BLVRA: variants seen among roughly 807,000 people sequenced by gnomAD.
BLVRA encodes biliverdin reductase A.
Under a neutral mutation model 32.8 loss-of-function variants are expected in BLVRA, and 22 were observed. That is an observed-to-expected ratio of 0.67 (90% CI 0.48 to 0.96). The LOEUF (loss-of-function observed/expected upper bound fraction) is 0.96, where lower values mean the gene tolerates loss of function less well. BLVRA is among the 40% of genes least tolerant of loss of function. The pLI, the probability that BLVRA is intolerant of heterozygous loss-of-function variation, is 0.00. For synonymous variants in BLVRA, 119 were observed against 141.3 expected (o/e 0.84, Z 1.12); for missense variants, 323 against 358.1 (o/e 0.90, Z 0.79).
At position 43,803,793 on chromosome 7, in the gene BLVRA, G is replaced by A. The variant is rs772321543; in HGVS notation, c.578G>A (p.Arg193Gln). The change falls in exon 7 of 8, where the codon CGA (arginine) becomes CAA (glutamine). Residue 193 changes from arginine to glutamine, a missense_variant. Coordinates refer to ENST00000265523, the MANE Select transcript of BLVRA (RefSeq NM_000712.4). ...CTTGTGTCTGCCACTTTGGAAGAGC[G>A]AAAGGAAGATCAGTATATGAAAATG... ...LSLVSATLEE[R>Q]KEDQYMKMTV... The A allele has an allele frequency of 1.2e-5, 19 of 1,614,010 alleles. No individual in the cohort carries two copies. In the East Asian group the frequency reaches 1.3e-4, roughly 11 times the overall value.
In BLVRA at chr7:43,787,828, C is replaced by T; in HGVS notation, c.13-76C>T. 3 of 1,611,962 alleles carry T rather than the reference C, an allele frequency of 1.9e-6. No individual in the cohort carries two copies. The highest frequency in any genetic ancestry group is 2.5e-6 in the Non-Finnish European group (3 of 1,178,192). ...TCCATCTTGCTCGTCGGGACCCTGC[C>T]AGCTCCTTTGTTTTGTAGTTTTCTG... On this transcript the variant is annotated intron_variant, in intron 2 of 7. Transcript: ENST00000265523. This position sits in a 1 kb window ranked among gnomAD's most constrained non-coding sequence, Gnocchi z 4.5.
intron 5 of BLVRA, among the ~76,000 whole-genome samples, chr7:43,799,412 T>A (rs1214129025): frequency 1.3e-5 from 2 of 152,230 alleles, no homozygotes; most frequent in African/African-American, 2.4e-5. Flanking sequence ...AATGAAAAAA[T>A]TTTTATAGAG....
chr7:43,769,452 T>C (rs1487939959), intron 1 of BLVRA, among the ~76,000 whole-genome samples: 2 of 152,174 alleles, frequency 1.3e-5, no homozygotes, highest in African/African-American at 4.8e-5. Flanking sequence ...GTAGGTTCCC[T>C]TTTTCAGATT....
intron 3 of BLVRA, among the ~76,000 whole-genome samples, chr7:43,790,943 G>A (rs1456911615): frequency 6.6e-6 from 1 of 152,198 alleles, no homozygotes; most frequent in Non-Finnish European, 1.5e-5. Flanking sequence ...AAAGTGCTGG[G>A]ATTATAGGCT....
chr7:43,767,241 G>C, intron 1 of BLVRA: 1 of 746,474 alleles, frequency 1.3e-6, no homozygotes, highest in Non-Finnish European at 2.3e-6. Context: ...CATTAGAAAA[G>C]AAAAGCAAGT....
chr7:43,773,303 A>G (rs1031025174), intron 2 of BLVRA, among the ~76,000 whole-genome samples: 2 of 147,386 alleles, frequency 1.4e-5, no homozygotes, highest in Non-Finnish European at 3.0e-5. Context: ...CCCACCCCAC[A>G]ACAGTCCCCG....
rs566565833 is a variant in BLVRA, at chr7:43,803,727, C to G, written c.512C>G (p.Ser171Cys). Residue 171 changes from serine to cysteine, a missense_variant, in exon 7 of 8, where the codon TCT becomes TGT. By Grantham distance (112) the Ser-to-Cys change is moderately radical. Coordinates refer to ENST00000265523, the MANE Select transcript of BLVRA (RefSeq NM_000712.4). ...GGCTTCCCTGCATTCAGCGGCATCT[C>G]TCGCCTGACCTGGCTGGTCTCCCTC... Reference protein sequence around the residue: ...RFGFPAFSGISRLTWLVSLFG... With the variant: ...RFGFPAFSGICRLTWLVSLFG... 6.2e-7 allele frequency: 1 copy of G among 1,614,050 alleles called. No individual in the cohort carries two copies. Among genetic ancestry groups the G allele is most frequent in the Non-Finnish European group, 8.5e-7 (1 of 1,179,960 alleles).
At chr7:43,792,839 C>A in intron 5 of BLVRA, 27 bp downstream of exon 5, 2 of 1,602,624 alleles carry the variant, frequency 1.2e-6, no homozygotes, top group African/African-American at 1.3e-5. Context: ...AGAGTTTCTG[C>A]CTCCAGGATT....
At chr7:43,770,057 A>C (rs1279747662) in intron 1 of BLVRA, among the ~76,000 whole-genome samples, 2 of 152,278 alleles carry the variant, frequency 1.3e-5, no homozygotes, top group East Asian at 3.9e-4. Flanking sequence ...CCCTGTGCTT[A>C]ACCAAAGAGA....
chr7:43,765,775 T>C (rs544063282), intron 1 of BLVRA, among the ~76,000 whole-genome samples: 15 of 152,270 alleles, frequency 9.9e-5, no homozygotes, highest in African/African-American at 3.6e-4. Context: ...CAGTATGTTA[T>C]AACCATGGGA....
Position 43,792,704 on chromosome 7 carries a change from G to A in BLVRA, c.255-11G>A, listed in dbSNP as rs187851908. ...AGTGTTCTTTCTCTGTATTTGTCTC[G>A]TTTACCAAAGGCAGTTCCTTAATGC... is the stretch of plus-strand genomic sequence containing the variant. On this transcript the variant is annotated splice_polypyrimidine_tract_variant and intron_variant, in intron 4 of 7. Transcript: ENST00000265523. 80 of 1,612,562 alleles carry A rather than the reference G, an allele frequency of 5.0e-5. No individual in the cohort carries two copies. The Admixed American group carries it at 1.1e-3, about 23-fold the overall frequency.
At chr7:43,795,681 TAGC>T (rs2095791818) in intron 5 of BLVRA, among the ~76,000 whole-genome samples, 1 of 151,426 alleles carries the variant, frequency 6.6e-6, no homozygotes, top group Non-Finnish European at 1.5e-5. Context: ...AATCGAAAAT[TAGC>T]AGAAAAAAGC....
intron 5 of BLVRA, among the ~76,000 whole-genome samples, chr7:43,793,895 T>C (rs1429335125): frequency 2.0e-5 from 3 of 151,348 alleles, no homozygotes; most frequent in Admixed American, 6.6e-5. Flanking sequence ...GTGCTGGGAT[T>C]ACAGGCATGA....
In BLVRA at chr7:43,791,331, A is replaced by C; in HGVS notation, c.217A>C (p.Ile73Leu). 1 of 1,614,226 alleles carries C rather than the reference A, an allele frequency of 6.2e-7. No homozygotes were observed. The highest frequency in any genetic ancestry group is 8.5e-7 in the Non-Finnish European group (1 of 1,180,034). ...CAGCCAAGAGGTGGAGGTCGCCTAT[A>C]TCTGCAGTGAGAGCTCCAGCCATGA... ...LSSQEVEVAYICSESSSHEDY... is the reference protein window; with the variant it reads ...LSSQEVEVAYLCSESSSHEDY... Residue 73 changes from isoleucine (I) to leucine (L), a missense_variant, in exon 4 of 8, where the codon ATC becomes CTC. Ile to Leu is a conservative substitution (Grantham distance 5). Coordinates refer to ENST00000265523, the MANE Select transcript of BLVRA (RefSeq NM_000712.4).
intron 5 of BLVRA, among the ~76,000 whole-genome samples, chr7:43,794,371 A>C (rs554891731): frequency 1.3e-5 from 2 of 152,354 alleles, no homozygotes; most frequent in East Asian, 3.9e-4. Flanking sequence ...GCAACACAAA[A>C]ATATTGCTCT....
At chr7:43,798,570 C>G (rs1395361752) in intron 5 of BLVRA, among the ~76,000 whole-genome samples, 4 of 152,198 alleles carry the variant, frequency 2.6e-5, no homozygotes, top group Non-Finnish European at 4.4e-5. Flanking sequence ...TTCCTGCCAG[C>G]TCCCTTGTCA....
At chr7:43,788,589 A>G (rs1448021844) in intron 3 of BLVRA, among the ~76,000 whole-genome samples, 3 of 152,104 alleles carry the variant, frequency 2.0e-5, no homozygotes, top group African/African-American at 7.2e-5. Context: ...GCCATTGGTA[A>G]TTTTGAGCCT....
intron 1 of BLVRA, among the ~76,000 whole-genome samples, chr7:43,762,317 C>A (rs1254141948): frequency 6.6e-6 from 1 of 151,950 alleles, no homozygotes; most frequent in East Asian, 1.9e-4. Context: ...ATGGCACATA[C>A]CCTTTTCCCC....
intron 1 of BLVRA, among the ~76,000 whole-genome samples, chr7:43,762,853 GC>G (rs1370649025): frequency 6.6e-6 from 1 of 151,902 alleles, no homozygotes; most frequent in Non-Finnish European, 1.5e-5. Context: ...CTCATGATCA[GC>G]CCCATGCCCG....
Sources: allele counts gnomAD v4.1 joint callset (sites outside exome capture counted in the v4.1 genomes callset), GRCh38; gene constraint gnomAD v4.1.1; non-coding constraint Gnocchi (gnomAD v3.1); transcripts MANE v1.5; gene names NCBI Gene and HGNC (gene_info 2026-07-23, HGNC 2026-07-21).